DLGAP2: variants seen among roughly 807,000 people sequenced by gnomAD.
The protein encoded by DLGAP2 is DLG associated protein 2, also known as disks large-associated protein 2.
A neutral mutation model predicts 100.3 loss-of-function variants in DLGAP2; 26 were observed. That is an observed-to-expected ratio of 0.26 (90% CI 0.19 to 0.36). The LOEUF (loss-of-function observed/expected upper bound fraction) is 0.36, where lower values mean the gene tolerates loss of function less well. Among genes scored for constraint, DLGAP2 ranks in the 10% least tolerant of loss-of-function variants. The pLI is 1.00. For missense variants in DLGAP2, 1,858 were observed against 1,453.2 expected (o/e 1.28, Z -4.53); for synonymous variants, 886 against 630.1 (o/e 1.41, Z -6.08).
At chr8:776,637 A>T (rs1821526358) in intron 1 of DLGAP2, among the ~76,000 whole-genome samples, 1 of 152,224 alleles carries the variant, frequency 6.6e-6, no homozygotes, top group South Asian at 2.1e-4. Flanking sequence ...CAGGTTGTTC[A>T]GTTTCCATGT....
At chr8:1,664,456 C>G (rs538485122) in intron 8 of DLGAP2, among the ~76,000 whole-genome samples, 3 of 152,130 alleles carry the variant, frequency 2.0e-5, no homozygotes, top group Non-Finnish European at 4.4e-5. Flanking sequence ...CTCAGGACGG[C>G]CTTTTCAGTG....
chr8:1,678,150 G>A, intron 11 of DLGAP2, 64 bp from the exon 12 acceptor site: 2 of 1,541,228 alleles, frequency 1.3e-6, no homozygotes, highest in Non-Finnish European at 1.8e-6. Context: ...GCGACATGTA[G>A]GACTTTGTTG....
At chr8:895,594 A>G (rs1359910084) in intron 1 of DLGAP2, among the ~76,000 whole-genome samples, 3 of 152,166 alleles carry the variant, frequency 2.0e-5, no homozygotes, top group Non-Finnish European at 4.4e-5. Flanking sequence ...TTTAACGATG[A>G]AATGTTTGGG....
In DLGAP2 at chr8:1,607,741, T is replaced by A. The variant is rs535355893; in HGVS notation, c.1443-18999T>A. 3.9e-5 allele frequency among the ~76,000 whole-genome samples: 6 copies of A among 152,016 alleles called. No homozygotes were observed. The East Asian group carries it at 1.2e-3, about 29-fold the overall frequency. On this transcript the variant is annotated intron_variant, in intron 6 of 14. Coordinates refer to ENST00000637795, the MANE Select transcript of DLGAP2 (RefSeq NM_001346810.2). ...TGCCTCACCTGGGAAGCGCAAGGGG[T>A]CAGGGAGTTCCCTTTCTGAGTCAAA...
At chr8:1,517,094 A>C (rs1399482291) in intron 4 of DLGAP2, among the ~76,000 whole-genome samples, 2 of 152,068 alleles carry the variant, frequency 1.3e-5, no homozygotes, top group Non-Finnish European at 2.9e-5. Context: ...CCGCAGCCTC[A>C]AGGTCCAAGT....
intron 2 of DLGAP2, among the ~76,000 whole-genome samples, chr8:1,031,502 C>T (rs1801971374): frequency 6.6e-6 from 1 of 152,058 alleles, no homozygotes; most frequent in South Asian, 2.1e-4. Context: ...GCCTCAACCT[C>T]CCGGGCTCAA....
intron 3 of DLGAP2, among the ~76,000 whole-genome samples, chr8:1,494,054 T>C (rs998956831): frequency 3.3e-5 from 5 of 151,892 alleles, no homozygotes; most frequent in African/African-American, 1.2e-4. Flanking sequence ...GGGGGGGCAG[T>C]AGGATGAACC....
intron 4 of DLGAP2, among the ~76,000 whole-genome samples, chr8:1,516,495 ATGAG>A (rs1196541220): frequency 6.9e-6 from 1 of 144,626 alleles, no homozygotes; most frequent in African/African-American, 2.6e-5. Context: ...GAGTACATGA[ATGAG>A]TGAGTGAATG....
intron 2 of DLGAP2, among the ~76,000 whole-genome samples, chr8:1,070,749 T>C (rs911474802): frequency 2.6e-5 from 4 of 152,120 alleles, no homozygotes; most frequent in Non-Finnish European, 4.4e-5. Context: ...AGCTAGTATT[T>C]GGAATGAATG....
intron 3 of DLGAP2, among the ~76,000 whole-genome samples, chr8:1,274,465 T>G (rs1156688896): frequency 7.1e-6 from 1 of 141,672 alleles, no homozygotes; most frequent in African/African-American, 2.5e-5. Flanking sequence ...GACTTTGGAT[T>G]TATTTTAGAA....
At chr8:779,316 T>C (rs1821623017) in intron 1 of DLGAP2, among the ~76,000 whole-genome samples, 1 of 152,222 alleles carries the variant, frequency 6.6e-6, no homozygotes, top group Admixed American at 6.5e-5. Flanking sequence ...TTGCTCATGC[T>C]GGGAGCTGTA....
chr8:1,191,032 T>G (rs1042757226), intron 2 of DLGAP2, among the ~76,000 whole-genome samples: 2 of 152,094 alleles, frequency 1.3e-5, no homozygotes, highest in African/African-American at 4.8e-5. Context: ...GTCCAGCAGG[T>G]CCAGGATGAC....
At chr8:1,252,187 C>T (rs1312792895) in intron 2 of DLGAP2, among the ~76,000 whole-genome samples, 1 of 150,978 alleles carries the variant, frequency 6.6e-6, no homozygotes, top group African/African-American at 2.4e-5. Context: ...CACGGTGTCA[C>T]AGTCGTGTCA....
chr8:762,972 C>T (rs1245710265), intron 1 of DLGAP2, among the ~76,000 whole-genome samples: 1 of 152,236 alleles, frequency 6.6e-6, no homozygotes, highest in African/African-American at 2.4e-5. Flanking sequence ...CCACTGCGCC[C>T]AGCTGACGGT....
At chr8:1,589,881 A>G (rs1432632953) in intron 6 of DLGAP2, among the ~76,000 whole-genome samples, 2 of 152,184 alleles carry the variant, frequency 1.3e-5, no homozygotes, top group Non-Finnish European at 2.9e-5. Flanking sequence ...AACACCATTT[A>G]CATTTGGGGG....
At chr8:1,421,058 A>G (rs1797075554) in intron 3 of DLGAP2, among the ~76,000 whole-genome samples, 1 of 152,184 alleles carries the variant, frequency 6.6e-6, no homozygotes, top group Non-Finnish European at 1.5e-5. Flanking sequence ...AGAATAATAC[A>G]CTGGAGAAAA....
intron 1 of DLGAP2, among the ~76,000 whole-genome samples, chr8:901,676 T>C (rs181969610): frequency 9.9e-5 from 15 of 152,232 alleles, no homozygotes; most frequent in African/African-American, 3.1e-4. Context: ...GTTGAAACTG[T>C]TTGATCAGTG....
rs550031492 is a variant in DLGAP2 at position 1,528,996 on chromosome 8, A to G, written c.173-19630A>G. The stretch of plus-strand genomic sequence containing the variant: ...GTTCACGTGATATTTAACCTTCCTC[A>G]TGTTTATAAAATTATAGTGGCTAAA... On this transcript the variant is annotated intron_variant, in intron 4 of 14. Coordinates refer to ENST00000637795, the MANE Select transcript of DLGAP2 (RefSeq NM_001346810.2). Among the ~76,000 whole-genome samples the G allele has an allele frequency of 2.6e-5, 4 of 152,308 alleles. No individual in the cohort carries two copies. The East Asian group carries it at 7.7e-4, about 29-fold the overall frequency.
intron 2 of DLGAP2, among the ~76,000 whole-genome samples, chr8:1,012,483 G>A (rs112307130): frequency 0.28 from 41,604 of 148,840 alleles, 6,653 homozygotes; most frequent in Admixed American, 0.37. Context: ...TGTGGACACC[G>A]TCTGACCAGC....
Sources: gnomAD v4.1 joint callset for allele counts (sites outside exome capture counted in the v4.1 genomes callset) on GRCh38, gnomAD v4.1.1 for gene constraint, MANE v1.5 for transcripts, NCBI Gene and HGNC (gene_info 2026-07-23, HGNC 2026-07-21) for gene names.